Variants in BBS9 observed in about 807,000 individuals in gnomAD.
BBS9 encodes the protein Bardet-Biedl syndrome 9, also known as protein PTHB1.
In BBS9, 89 loss-of-function variants were observed where a neutral mutation model predicts 117.7. The ratio of observed to expected loss-of-function variants is 0.76; its 90% CI spans 0.64 to 0.90. The LOEUF (loss-of-function observed/expected upper bound fraction) is 0.90, where lower values mean the gene tolerates loss of function less well. Among genes scored for constraint, BBS9 ranks in the 40% least tolerant of loss-of-function variants. BBS9 has a pLI of 0.00. For missense variants in BBS9, 982 were observed against 1,042.2 expected, an observed-to-expected ratio of 0.94 and a Z score of 0.80; for synonymous variants, 379 against 370.9, an observed-to-expected ratio of 1.02 and a Z score of -0.25.
intron 20 of BBS9, among the ~76,000 whole-genome samples, chr7:33,510,326 A>G (rs1221391624): frequency 3.3e-5 from 5 of 151,900 alleles, no homozygotes; most frequent in African/African-American, 1.2e-4. Context: ...TTGAAGTTCT[A>G]TGGAAAATAC....
intron 9 of BBS9, among the ~76,000 whole-genome samples, chr7:33,289,906 G>T (rs1176462188): frequency 6.6e-6 from 1 of 152,048 alleles, no homozygotes; most frequent in African/African-American, 2.4e-5. Context: ...GCTAGGCGTA[G>T]TGCTACAGGT....
At position 33,366,539 on chromosome 7, in the gene BBS9, CTTTCTTTTTTTTTTTTTTTTT is replaced by C. The variant is rs1274488437; in HGVS notation, c.1694-1225_1694-1205del. Among the ~76,000 whole-genome samples, 7 of 100,730 alleles carry C rather than the reference CTTTCTTTTTTTTTTTTTTTTT, an allele frequency of 6.9e-5. No homozygotes were observed. The South Asian group carries it at 1.7e-3, about 24-fold the overall frequency. The allele number at this position is 100,730 out of a possible 152,430, so 66.1% of individuals were successfully genotyped here. A position where few individuals can be genotyped will look rare whatever the true frequency, so the allele number is the denominator to read the frequency against. ...TAATGTTTCTTTTTTTTTTTCTTTT[CTTTCTTTTTTTTTTTTTTTTT>C]TTGAGATGGAGTCTCACTCTGTTGC... On this transcript the variant is annotated intron_variant, in intron 16 of 22. Transcript: ENST00000242067.
At chr7:33,591,577 T>C (rs1861925883) in intron 21 of BBS9, among the ~76,000 whole-genome samples, 1 of 152,022 alleles carries the variant, frequency 6.6e-6, no homozygotes. Flanking sequence ...AAATAATTGG[T>C]GTTTGCTTCC....
At chr7:33,319,053 C>T (rs1811139673) in intron 9 of BBS9, among the ~76,000 whole-genome samples, 1 of 151,828 alleles carries the variant, frequency 6.6e-6, no homozygotes, top group African/African-American at 2.4e-5. Context: ...ATCCCAGCTA[C>T]TTGGGAGGCT....
chr7:33,287,101 A>T, intron 9 of BBS9, among the ~76,000 whole-genome samples: 1 of 152,208 alleles, frequency 6.6e-6, no homozygotes, highest in Non-Finnish European at 1.5e-5. Context: ...CACAAATCAG[A>T]GTTATCATCA....
chr7:33,356,678 T>G (rs1049002503), intron 15 of BBS9, among the ~76,000 whole-genome samples: 1 of 151,848 alleles, frequency 6.6e-6, no homozygotes, highest in Non-Finnish European at 1.5e-5. Context: ...AGTGAATAAG[T>G]AGTACTGGAA....
intron 9 of BBS9, among the ~76,000 whole-genome samples, chr7:33,286,439 G>C (rs767465450): frequency 6.6e-5 from 10 of 152,074 alleles, no homozygotes; most frequent in Non-Finnish European, 1.3e-4. Flanking sequence ...ATTTCTATCA[G>C]GTTAGTGACT....
At chr7:33,183,023 T>C (rs971364404) in intron 5 of BBS9, among the ~76,000 whole-genome samples, 3 of 152,188 alleles carry the variant, frequency 2.0e-5, no homozygotes, top group African/African-American at 7.2e-5. Context: ...TGGAAAGAGC[T>C]GAGTGTCCCC....
chr7:33,310,365 C>A (rs544370222), intron 9 of BBS9, among the ~76,000 whole-genome samples: 1 of 151,714 alleles, frequency 6.6e-6, no homozygotes, highest in Non-Finnish European at 1.5e-5. Flanking sequence ...TTAAAAAAAA[C>A]ACACTTGTTG....
At chr7:33,584,808 T>C (rs1461893294) in intron 21 of BBS9, among the ~76,000 whole-genome samples, 1 of 152,152 alleles carries the variant, frequency 6.6e-6, no homozygotes, top group Non-Finnish European at 1.5e-5. Flanking sequence ...AGCATGGTGA[T>C]GCTAACTTTG....
chr7:33,327,383 G>A (rs528408230), intron 9 of BBS9, among the ~76,000 whole-genome samples: 1 of 152,108 alleles, frequency 6.6e-6, no homozygotes, highest in Non-Finnish European at 1.5e-5. Flanking sequence ...CTGGTTAATA[G>A]CAGTTATCAA....
At chr7:33,520,567 G>T (rs977180264) in intron 20 of BBS9, among the ~76,000 whole-genome samples, 3 of 152,150 alleles carry the variant, frequency 2.0e-5, no homozygotes, top group Non-Finnish European at 4.4e-5. Context: ...GAGACATTAA[G>T]CTTATGTTTA....
At chr7:33,436,386 A>G (rs1422332715) in intron 19 of BBS9, among the ~76,000 whole-genome samples, 1 of 152,200 alleles carries the variant, frequency 6.6e-6, no homozygotes, top group African/African-American at 2.4e-5. Flanking sequence ...GATTAATGTA[A>G]TAGCCCCTTG....
At chr7:33,550,784 G>T (rs1386679403) in intron 21 of BBS9, among the ~76,000 whole-genome samples, 1 of 152,070 alleles carries the variant, frequency 6.6e-6, no homozygotes, top group Non-Finnish European at 1.5e-5. Flanking sequence ...CAATTATCTT[G>T]TTCCTGGTGG....
intron 19 of BBS9, among the ~76,000 whole-genome samples, chr7:33,425,512 C>CCCTCCTACATTGCCAT (rs1833536628): frequency 1.3e-5 from 2 of 152,144 alleles, no homozygotes; most frequent in African/African-American, 2.4e-5. Flanking sequence ...CCCCACAGCC[C>CCCTCCTACATTGCCAT]CCTCCAGAGG....
intron 5 of BBS9, among the ~76,000 whole-genome samples, chr7:33,195,200 T>C (rs1032835225): frequency 6.6e-6 from 1 of 152,206 alleles, no homozygotes; most frequent in Non-Finnish European, 1.5e-5. Flanking sequence ...TCTTTCACAG[T>C]CTTTGGCACA....
intron 21 of BBS9, among the ~76,000 whole-genome samples, chr7:33,541,802 G>T (rs1489962119): frequency 6.6e-6 from 1 of 152,166 alleles, no homozygotes; most frequent in Non-Finnish European, 1.5e-5. Context: ...AGGAGTAGGG[G>T]AATGAGAAGT....
chr7:33,563,342 A>G (rs974754370), intron 21 of BBS9, among the ~76,000 whole-genome samples: 23 of 151,924 alleles, frequency 1.5e-4, no homozygotes, highest in Non-Finnish European at 2.8e-4. Context: ...TGTTAGGATT[A>G]GTAACAGTTG....
rs137876922 is a variant in BBS9, at chr7:33,422,754, G to A, written c.2115+34610G>A. 4.1e-3 allele frequency among the ~76,000 whole-genome samples: 622 copies of A among 152,210 alleles called. 6 individuals are homozygous for A. Among genetic ancestry groups the A allele is most frequent in the African/African-American group, 0.014 (592 of 41,542 alleles). ...AAAGAAAAGTATAATTAATAAATGCGAATGTTCAGTTTATTTTTTATTTTT... is the reference window on the plus strand; with the variant it reads ...AAAGAAAAGTATAATTAATAAATGCAAATGTTCAGTTTATTTTTTATTTTT... On this transcript the variant is annotated intron_variant, in intron 19 of 22. Coordinates refer to ENST00000242067, the MANE Select transcript of BBS9 (RefSeq NM_198428.3).
Sources: gnomAD v4.1 joint callset for allele counts (sites outside exome capture counted in the v4.1 genomes callset) on GRCh38, gnomAD v4.1.1 for gene constraint, MANE v1.5 for transcripts, NCBI Gene and HGNC (gene_info 2026-07-23, HGNC 2026-07-21) for gene names.